Variants in TFAP2D observed in about 807,000 individuals in gnomAD.
TFAP2D encodes transcription factor AP-2 delta, also known as transcription factor AP-2-delta.
Under a neutral mutation model 43.6 loss-of-function variants are expected in TFAP2D, and 9 were observed. The observed-to-expected ratio is 0.21, with a 90% CI of 0.12 to 0.36. The LOEUF is 0.36. Among genes scored for constraint, TFAP2D ranks in the 10% least tolerant of loss-of-function variants. The pLI is 1.00. For missense variants in TFAP2D, 513 were observed against 561.4 expected (o/e 0.91, Z 0.87); for synonymous variants, 256 against 224.9 (o/e 1.14, Z -1.24).
At chr6:50,724,496 G>A (rs867559927) in intron 3 of TFAP2D, among the ~76,000 whole-genome samples, 16 of 152,200 alleles carry the variant, frequency 1.1e-4, no homozygotes, top group African/African-American at 3.9e-4. Flanking sequence ...CACCGGCCCA[G>A]CGCCCGGAAG....
At position 50,715,448 on chromosome 6, in the gene TFAP2D, G is replaced by C; in HGVS notation, c.372G>C (p.Ser124=). The change falls in exon 2 of 8, where the codon TCG becomes TCC. Residue 124 remains serine (S), a synonymous_variant. Coordinates refer to ENST00000008391, the MANE Select transcript of TFAP2D (RefSeq NM_172238.4). The stretch of plus-strand genomic sequence containing the variant: ...TGCACAATGCGCGGGCGCTCAAGTC[G>C]TCCTGCCTGGACGAGCAGAGGCGGG... ...INLHNARALK[S]SCLDEQRREL... is the part of the protein sequence containing the mutation. 4.3e-6 allele frequency: 7 copies of C among 1,614,106 alleles called. No homozygotes were observed. Among genetic ancestry groups the C allele is most frequent in the Non-Finnish European group, 5.9e-6 (7 of 1,180,020 alleles).
At position 50,719,495 on chromosome 6, in the gene TFAP2D, A is replaced by AAGAC. The variant is rs1313393228; in HGVS notation, c.598+348_598+349insCAGA. ...AAAGAAAGAAAGAAAGAAAGAAAGA[A>AAGAC]AGAAAGAAGTTTCTCACACCCTCTT... On this transcript the variant is annotated intron_variant, in intron 3 of 7. Coordinates refer to ENST00000008391, the MANE Select transcript of TFAP2D (RefSeq NM_172238.4). Among the ~76,000 whole-genome samples, 79 of 132,724 alleles carry AAGAC rather than the reference A, an allele frequency of 6.0e-4. 1 individual carries two copies. The highest frequency in any genetic ancestry group is 2.0e-3 in the African/African-American group (73 of 37,068). 87.1% of individuals were successfully genotyped at this position (132,724 alleles called of 152,430 possible).
At chr6:50,759,568 T>A (rs1258059859) in intron 7 of TFAP2D, among the ~76,000 whole-genome samples, 3 of 152,032 alleles carry the variant, frequency 2.0e-5, no homozygotes, top group African/African-American at 7.2e-5. Flanking sequence ...AAGCTTAGCA[T>A]TTTCATTCCT....
chr6:50,719,890 C>T (rs548358428), intron 3 of TFAP2D, among the ~76,000 whole-genome samples: 26 of 152,190 alleles, frequency 1.7e-4, no homozygotes, highest in Admixed American at 7.9e-4. Flanking sequence ...GCTTTCAGCT[C>T]GGGCACTAAA....
At chr6:50,734,073 A>G (rs1297908393) in intron 5 of TFAP2D, among the ~76,000 whole-genome samples, 1 of 151,560 alleles carries the variant, frequency 6.6e-6, no homozygotes, top group East Asian at 1.9e-4. Context: ...AAAGAAAGGG[A>G]ACCAGTTCCA....
In TFAP2D at chr6:50,729,769, A is replaced by G. The variant is rs114537312; in HGVS notation, c.883+457A>G. On this transcript the variant is annotated intron_variant, in intron 5 of 7. Coordinates refer to ENST00000008391, the MANE Select transcript of TFAP2D (RefSeq NM_172238.4). The stretch of plus-strand genomic sequence containing the variant: ...CCTGAAAGCATATTGTATTAATCCT[A>G]GTAGACCTCTCTAAAGACATGGTGA... Among the ~76,000 whole-genome samples the G allele has an allele frequency of 6.9e-3, 1,053 of 152,272 alleles. 4 individuals are homozygous for G. The highest frequency in any genetic ancestry group is 0.012 in the Non-Finnish European group (787 of 68,016).
intron 7 of TFAP2D, among the ~76,000 whole-genome samples, chr6:50,756,607 T>C (rs545911670): frequency 1.7e-4 from 26 of 152,170 alleles, no homozygotes; most frequent in Admixed American, 1.7e-3. Context: ...GCAGTGACCC[T>C]TCTCACAATT....
intron 6 of TFAP2D, among the ~76,000 whole-genome samples, chr6:50,748,875 G>A (rs1427566434): frequency 2.0e-5 from 3 of 151,774 alleles, no homozygotes; most frequent in Non-Finnish European, 3.0e-5. Context: ...AAAAACTTAC[G>A]TCCTTAAGGA....
At chr6:50,749,296 C>T in intron 6 of TFAP2D, among the ~76,000 whole-genome samples, 1 of 151,848 alleles carries the variant, frequency 6.6e-6, no homozygotes, top group South Asian at 2.1e-4. Context: ...TTATAACTTG[C>T]TGTATTATTC....
Position 50,764,003 on chromosome 6 carries a change from A to G in TFAP2D, c.1140-8642A>G, listed in dbSNP as rs150358748. 2.1e-3 allele frequency among the ~76,000 whole-genome samples: 324 copies of G among 152,270 alleles called. 15 individuals carry two copies. In the East Asian group the frequency reaches 0.05, roughly 23 times the overall value. ...GCAAATTCAATCTTGATAAATTCAA[A>G]TTTTGAAAATATCCCATTACAGAAA... On this transcript the variant is annotated intron_variant, in intron 7 of 7. Coordinates refer to ENST00000008391, the MANE Select transcript of TFAP2D (RefSeq NM_172238.4).
At chr6:50,734,828 A>G (rs915777667) in intron 5 of TFAP2D, among the ~76,000 whole-genome samples, 3 of 152,114 alleles carry the variant, frequency 2.0e-5, no homozygotes, top group African/African-American at 7.2e-5. Flanking sequence ...TGGCACCCAT[A>G]TCTACCCACA....
In TFAP2D at chr6:50,720,486, AACACACACACACACACACACAC is replaced by A. The variant is rs59484837; in HGVS notation, c.598+1368_598+1389del. On this transcript the variant is annotated intron_variant, in intron 3 of 7. Transcript: ENST00000008391. ...TCTTGTTTCACCCTATGGAGATTAA[AACACACACACACACACACACAC>A]ACACACACACACACACACACACACA... is the stretch of plus-strand genomic sequence containing the variant. Among the ~76,000 whole-genome samples, 312 of 139,156 alleles carry A rather than the reference AACACACACACACACACACACAC, an allele frequency of 2.2e-3. 1 individual carries two copies. Among genetic ancestry groups the A allele is most frequent in the Middle Eastern group, 0.011 (3 of 272 alleles). 91.3% of individuals were successfully genotyped at this position (139,156 alleles called of 152,430 possible).
intron 1 of TFAP2D, among the ~76,000 whole-genome samples, chr6:50,714,893 C>T (rs1768589970): frequency 6.6e-6 from 1 of 152,004 alleles, no homozygotes; most frequent in African/African-American, 2.4e-5. Flanking sequence ...TTTTTTTCCG[C>T]TCTCTCGACT....
At chr6:50,764,028 ATG>A (rs567487588) in intron 7 of TFAP2D, among the ~76,000 whole-genome samples, 3 of 152,304 alleles carry the variant, frequency 2.0e-5, no homozygotes, top group Admixed American at 6.5e-5. Context: ...CATTACAGAA[ATG>A]TGTTAGACTA....
intron 7 of TFAP2D, among the ~76,000 whole-genome samples, chr6:50,763,968 A>T (rs558560414): frequency 2.6e-5 from 4 of 152,272 alleles, no homozygotes; most frequent in African/African-American, 9.6e-5. Context: ...AAGAGTAAAT[A>T]TTACTATATG....
At chr6:50,733,074 G>A (rs1204186474) in intron 5 of TFAP2D, among the ~76,000 whole-genome samples, 1 of 151,910 alleles carries the variant, frequency 6.6e-6, no homozygotes, top group Non-Finnish European at 1.5e-5. Flanking sequence ...CGAACTAATA[G>A]GATGAAGAAC....
At chr6:50,734,797 A>G (rs1003908649) in intron 5 of TFAP2D, among the ~76,000 whole-genome samples, 1 of 152,122 alleles carries the variant, frequency 6.6e-6, no homozygotes, top group Non-Finnish European at 1.5e-5. Flanking sequence ...TATATAAAGA[A>G]AAGATAAAAA....
At chr6:50,737,523 A>G (rs1011989351) in intron 5 of TFAP2D, among the ~76,000 whole-genome samples, 2 of 152,224 alleles carry the variant, frequency 1.3e-5, no homozygotes, top group Admixed American at 6.5e-5. Flanking sequence ...AAAAGTATTC[A>G]GTAAAATACT....
chr6:50,713,573 A>G lies in TFAP2D; in HGVS notation c.-483A>G, dbSNP rs547577096. On this transcript the variant is annotated 5_prime_UTR_variant, in exon 1 of 8. Coordinates refer to ENST00000008391, the MANE Select transcript of TFAP2D (RefSeq NM_172238.4). ...TAAAATGTGTGCAAATACTCTCCAC[A>G]GAGATAAGTCCCCACCTCAGTCGGT... 1.3e-5 allele frequency among the ~76,000 whole-genome samples: 2 copies of G among 152,354 alleles called. No homozygotes were observed. Among genetic ancestry groups the G allele is most frequent in the South Asian group, 2.1e-4 (1 of 4,824 alleles).
Sources: allele counts gnomAD v4.1 joint callset (sites outside exome capture counted in the v4.1 genomes callset), GRCh38; gene constraint gnomAD v4.1.1; transcripts MANE v1.5; gene names NCBI Gene and HGNC (gene_info 2026-07-23, HGNC 2026-07-21).